The following FSTL4 variants were observed in gnomAD, a reference collection of about 807,000 sequenced individuals.
FSTL4 encodes the protein follistatin like 4.
Under a neutral mutation model 78.2 loss-of-function variants are expected in FSTL4, and 28 were observed. The observed-to-expected ratio is 0.36, with a 90% confidence interval of 0.27 to 0.49. The LOEUF is 0.49. Ranked by LOEUF, FSTL4 falls within the 20% of genes least tolerant of loss-of-function variation. FSTL4 has a pLI of 0.98. For missense variants in FSTL4, 922 were observed against 1,084.9 expected, an observed-to-expected ratio of 0.85 and a Z score of 2.11; for synonymous variants, 422 against 440.5, an observed-to-expected ratio of 0.96 and a Z score of 0.53.
intron 3 of FSTL4, among the ~76,000 whole-genome samples, chr5:133,524,561 A>G (rs962968890): frequency 2.6e-5 from 4 of 152,216 alleles, no homozygotes; most frequent in Non-Finnish European, 5.9e-5. Flanking sequence ...TCGCGCAGAG[A>G]AGCCTGCTGT....
At chr5:133,789,190 G>A in the FSTL4 span, among the ~76,000 whole-genome samples, 2 of 152,182 alleles carry the variant, frequency 1.3e-5, no homozygotes, top group Non-Finnish European at 2.9e-5. Flanking sequence ...CCAGGGTGGT[G>A]GGGGAAGGTT....
At chr5:133,568,834 A>C (rs1480622555) in intron 2 of FSTL4, among the ~76,000 whole-genome samples, 1 of 152,200 alleles carries the variant, frequency 6.6e-6, no homozygotes, top group Non-Finnish European at 1.5e-5. Flanking sequence ...AAAACTATGA[A>C]ATTTTTGTTG....
At chr5:133,456,299 G>A (rs114621553) in intron 3 of FSTL4, among the ~76,000 whole-genome samples, 7,039 of 152,304 alleles carry the variant, frequency 0.046, 242 homozygotes, top group Non-Finnish European at 0.062. Context: ...GAAGCTGGCC[G>A]TCCTGAGACA....
chr5:133,810,746 C>T, the FSTL4 span, among the ~76,000 whole-genome samples: 1 of 152,164 alleles, frequency 6.6e-6, no homozygotes, highest in Non-Finnish European at 1.5e-5. Context: ...CCCACCTAAC[C>T]TTATTATGCA....
chr5:133,451,961 GCCT>G (rs1292970185), intron 3 of FSTL4, among the ~76,000 whole-genome samples: 1 of 152,242 alleles, frequency 6.6e-6, no homozygotes. Context: ...CTGTCTGCCT[GCCT>G]CCTAATGCTT....
chr5:133,420,308 T>C (rs536045740), intron 3 of FSTL4, among the ~76,000 whole-genome samples: 2 of 152,356 alleles, frequency 1.3e-5, no homozygotes, highest in South Asian at 4.1e-4. Flanking sequence ...TATATCTTGA[T>C]TGAGTGATGG....
intron 4 of FSTL4, among the ~76,000 whole-genome samples, chr5:133,375,731 T>C (rs955334699): frequency 8.5e-5 from 13 of 152,326 alleles, no homozygotes; most frequent in Admixed American, 7.8e-4. Flanking sequence ...TCTACTTGTC[T>C]AGAAATCTGG....
At chr5:133,668,034 C>A in the FSTL4 span, among the ~76,000 whole-genome samples, 1 of 152,220 alleles carries the variant, frequency 6.6e-6, no homozygotes, top group Non-Finnish European at 1.5e-5. Flanking sequence ...GGTGATTGAA[C>A]CAGTGGCTGC....
chr5:133,568,102 G>A (rs1760067825), intron 2 of FSTL4, among the ~76,000 whole-genome samples: 1 of 152,196 alleles, frequency 6.6e-6, no homozygotes, highest in South Asian at 2.1e-4. Context: ...AATAGCATAG[G>A]AAAATGTTGG....
chr5:133,650,814 T>C, the FSTL4 span, among the ~76,000 whole-genome samples: 2 of 152,214 alleles, frequency 1.3e-5, no homozygotes, highest in Non-Finnish European at 2.9e-5. Context: ...TTTGTCAATA[T>C]CCACAATCCA....
At chr5:133,220,630 A>G in intron 12 of FSTL4, 118 bp downstream of exon 12, 1 of 707,416 alleles carries the variant, frequency 1.4e-6, no homozygotes. Context: ...AAAATTTGGA[A>G]CCACACCACA....
At chr5:133,281,302 C>T (rs1398404810) in intron 6 of FSTL4, among the ~76,000 whole-genome samples, 1 of 152,130 alleles carries the variant, frequency 6.6e-6, no homozygotes, top group African/African-American at 2.4e-5. Flanking sequence ...CTGACTGTTG[C>T]CTGAAACCCT....
chr5:133,413,029 T>C (rs891879369), intron 3 of FSTL4, among the ~76,000 whole-genome samples: 1 of 152,164 alleles, frequency 6.6e-6, no homozygotes, highest in African/African-American at 2.4e-5. Flanking sequence ...AATCAAATAC[T>C]TCACCCTGAT....
intron 3 of FSTL4, among the ~76,000 whole-genome samples, 173 bp from the exon 4 acceptor site, chr5:133,401,159 G>A (rs1161386144): frequency 1.3e-5 from 2 of 152,224 alleles, no homozygotes; most frequent in Non-Finnish European, 2.9e-5. Flanking sequence ...TCCATGAGGT[G>A]GTCATTGGTG....
chr5:133,399,683 G>A (rs981207286), intron 4 of FSTL4, among the ~76,000 whole-genome samples: 38 of 152,334 alleles, frequency 2.5e-4, no homozygotes, highest in African/African-American at 8.7e-4. Flanking sequence ...AGCCTGGACT[G>A]CTCTCACGCC....
intron 4 of FSTL4, chr5:133,388,505 T>C (rs190458828): frequency 1.3e-5 from 2 of 151,932 alleles, no homozygotes; most frequent in Admixed American, 6.6e-5. Flanking sequence ...GACACAAATG[T>C]AACTGAAGGG....
At chr5:133,803,698 T>C in the FSTL4 span, among the ~76,000 whole-genome samples, 1 of 152,192 alleles carries the variant, frequency 6.6e-6, no homozygotes, top group Non-Finnish European at 1.5e-5. Flanking sequence ...TCTTCAAAAA[T>C]TGTGTATTTA....
intron 4 of FSTL4, among the ~76,000 whole-genome samples, chr5:133,398,383 G>A (rs1040468520): frequency 6.6e-6 from 1 of 152,126 alleles, no homozygotes; most frequent in Admixed American, 6.5e-5. Context: ...GGCTCTAGGT[G>A]GACATTGCTG....
At chr5:133,250,069 G>C (rs948613734) in intron 6 of FSTL4, among the ~76,000 whole-genome samples, 6 of 152,258 alleles carry the variant, frequency 3.9e-5, no homozygotes, top group Non-Finnish European at 7.3e-5. Flanking sequence ...TGAACTGGCT[G>C]ATCTTTGAAG....
Sources: allele counts gnomAD v4.1 joint callset (sites outside exome capture counted in the v4.1 genomes callset), GRCh38; gene constraint gnomAD v4.1.1; transcripts MANE v1.5; gene names NCBI Gene and HGNC (gene_info 2026-07-23, HGNC 2026-07-21).